Variants in SATB2 observed in about 807,000 individuals in gnomAD.
SATB2 encodes the protein DNA-binding protein SATB2.
A neutral mutation model predicts 73.4 loss-of-function variants in SATB2; 1 was observed. The observed-to-expected ratio is 0.01, with a 90% confidence interval of 0.00 to 0.06. The LOEUF (loss-of-function observed/expected upper bound fraction) is 0.06, where lower values mean the gene tolerates loss of function less well. SATB2 is among the 10% of genes least tolerant of loss of function. The pLI is 1.00. For synonymous variants in SATB2, 397 were observed against 367.0 expected (o/e 1.08, Z -0.93); for missense variants, 459 against 945.8 (o/e 0.49, Z 6.75).
intron 7 of SATB2, among the ~76,000 whole-genome samples, chr2:199,335,902 T>C (rs1559168145): frequency 2.6e-5 from 4 of 152,192 alleles, no homozygotes. Flanking sequence ...TTGTGGCAAC[T>C]TTCACATCAG....
chr2:199,449,670 T>C (rs1316276847), intron 2 of SATB2, among the ~76,000 whole-genome samples: 2 of 152,204 alleles, frequency 1.3e-5, no homozygotes, highest in African/African-American at 2.4e-5. Flanking sequence ...GGCATCTACT[T>C]TGACTTTGAA....
intron 3 of SATB2, among the ~76,000 whole-genome samples, chr2:199,432,205 T>C (rs923649424): frequency 6.6e-6 from 1 of 152,210 alleles, no homozygotes; most frequent in African/African-American, 2.4e-5. Context: ...GGGAAAACAT[T>C]CCTAATTTCA....
chr2:199,350,920 C>A (rs1461900703), intron 6 of SATB2, among the ~76,000 whole-genome samples: 1 of 150,618 alleles, frequency 6.6e-6, no homozygotes, highest in East Asian at 2.0e-4. Context: ...ATATTCGGGA[C>A]GCTGAATCAG....
chr2:199,407,784 G>C lies in SATB2; in HGVS notation c.346+25554C>G, dbSNP rs576837584. ...AAGAACATCTGGATGCAGTAAATGAGTATAAACCTACTGGCCTAGAGATTC... is the reference window on the plus strand; with the variant it reads ...AAGAACATCTGGATGCAGTAAATGACTATAAACCTACTGGCCTAGAGATTC... On this transcript the variant is annotated intron_variant, in intron 3 of 10. Coordinates refer to ENST00000417098, the MANE Select transcript of SATB2 (RefSeq NM_001172509.2). Among the ~76,000 whole-genome samples the C allele has an allele frequency of 1.1e-3, 162 of 152,280 alleles. 1 individual carries two copies. Among genetic ancestry groups the C allele is most frequent in the Middle Eastern group, 6.8e-3 (2 of 292 alleles).
chr2:199,418,828 T>C (rs1691078160), intron 3 of SATB2, among the ~76,000 whole-genome samples: 1 of 152,180 alleles, frequency 6.6e-6, no homozygotes, highest in Non-Finnish European at 1.5e-5. Context: ...GAGACTATGA[T>C]CTGCTGTACG....
In SATB2 at chr2:199,348,883, G is replaced by A; in HGVS notation, c.991C>T (p.His331Tyr). ...IAVSRLLAHQ[H>Y]PQAINQQFLN... ...AACTGCTGGTTGATGGCTTGAGGAT[G>A]CTGGTGAGCCAGGAGCCGGCTAACG... is the stretch of plus-strand genomic sequence containing the variant. Residue 331 changes from histidine to tyrosine, a missense_variant, in exon 7 of 11, where the codon CAT (histidine) becomes TAT (tyrosine). Transcript: ENST00000417098. The A allele has an allele frequency of 6.2e-7, 1 of 1,614,158 alleles. No individual in the cohort carries two copies. The highest frequency in any genetic ancestry group is 8.5e-7 in the Non-Finnish European group (1 of 1,180,012).
At chr2:199,355,532 C>T (rs763740762) in intron 6 of SATB2, among the ~76,000 whole-genome samples, 47 of 151,822 alleles carry the variant, frequency 3.1e-4, no homozygotes, top group Non-Finnish European at 6.5e-4. Flanking sequence ...GGTGAAGCAC[C>T]TGATTGGCAC....
chr2:199,410,318 C>G (rs1690773910), intron 3 of SATB2, among the ~76,000 whole-genome samples: 2 of 152,128 alleles, frequency 1.3e-5, no homozygotes, highest in Admixed American at 6.5e-5. Context: ...GGGATGAACC[C>G]AGCTAAATTC....
chr2:199,373,152 T>A (rs1422733067), intron 5 of SATB2, among the ~76,000 whole-genome samples: 1 of 152,176 alleles, frequency 6.6e-6, no homozygotes, highest in Non-Finnish European at 1.5e-5. Flanking sequence ...GAGAATCCCC[T>A]GTCTGAGGGA....
intron 3 of SATB2, among the ~76,000 whole-genome samples, chr2:199,428,509 G>GATAGA (rs2105922466): frequency 6.6e-6 from 1 of 152,286 alleles, no homozygotes; most frequent in East Asian, 1.9e-4. Context: ...TGACTCTAGA[G>GATAGA]ATAGATCAAT....
At chr2:199,391,432 CAAAAAA>C (rs56190034) in intron 3 of SATB2, among the ~76,000 whole-genome samples, 2 of 98,644 alleles carry the variant, frequency 2.0e-5, no homozygotes, top group African/African-American at 4.0e-5. Flanking sequence ...GACTCCGTCT[CAAAAAA>C]AAAAAAAAAA....
At chr2:199,284,977 C>A (rs1692642705) in intron 10 of SATB2, among the ~76,000 whole-genome samples, 1 of 152,062 alleles carries the variant, frequency 6.6e-6, no homozygotes, top group Non-Finnish European at 1.5e-5. Flanking sequence ...CACCATTTTA[C>A]ATAAGGGGCT....
intron 2 of SATB2, among the ~76,000 whole-genome samples, chr2:199,439,711 T>C (rs1691754513): frequency 6.6e-6 from 1 of 152,168 alleles, no homozygotes; most frequent in African/African-American, 2.4e-5. Context: ...TCTGTCTCTC[T>C]CTCTCTCACA....
chr2:199,300,305 T>G (rs1282226323), intron 10 of SATB2, among the ~76,000 whole-genome samples: 2 of 149,902 alleles, frequency 1.3e-5, no homozygotes, highest in East Asian at 3.9e-4. Flanking sequence ...AAAGCAATAT[T>G]AAAAAAGAAA....
At chr2:199,423,690 G>A (rs1488894491) in intron 3 of SATB2, 2 of 151,992 alleles carry the variant, frequency 1.3e-5, no homozygotes, top group African/African-American at 2.4e-5. Context: ...TATTACCATG[G>A]CTCTGGAGCA....
chr2:199,460,155 C>T (rs751958187), upstream of SATB2, among the ~76,000 whole-genome samples: 1 of 152,146 alleles, frequency 6.6e-6, no homozygotes, highest in Admixed American at 6.5e-5. The surrounding 1 kb of genome is among the most constrained non-coding windows in gnomAD (Gnocchi z 4.0). Context: ...CATCCTCCCC[C>T]CGCATACCAC....
chr2:199,298,808 G>A (rs1687196683), intron 10 of SATB2, among the ~76,000 whole-genome samples: 1 of 152,188 alleles, frequency 6.6e-6, no homozygotes, highest in Non-Finnish European at 1.5e-5. Context: ...GCCCTTTTCT[G>A]CAGATGTTCT....
intron 1 of SATB2, among the ~76,000 whole-genome samples, chr2:199,456,854 A>C (rs1324541736): frequency 6.6e-6 from 1 of 152,048 alleles, no homozygotes; most frequent in Non-Finnish European, 1.5e-5. Flanking sequence ...TTCTTAGTGC[A>C]AGAGCAGCCT....
At chr2:199,329,517 T>C (rs73984082) in intron 7 of SATB2, among the ~76,000 whole-genome samples, 24 of 151,996 alleles carry the variant, frequency 1.6e-4, no homozygotes, top group African/African-American at 5.6e-4. Flanking sequence ...ATAGTTATCC[T>C]TACATATGTA....
Sources: gnomAD v4.1 joint callset for allele counts (sites outside exome capture counted in the v4.1 genomes callset) on GRCh38, gnomAD v4.1.1 for gene constraint, Gnocchi (gnomAD v3.1) non-coding constraint, MANE v1.5 for transcripts, NCBI Gene and HGNC (gene_info 2026-07-23, HGNC 2026-07-21) for gene names.